The following ATG2B variants were observed in gnomAD, a reference collection of about 807,000 sequenced individuals.
ATG2B encodes the protein autophagy-related protein 2 homolog B.
ATG2B carries 121 observed loss-of-function variants against 241.3 expected under a neutral mutation model. The ratio of observed to expected loss-of-function variants is 0.50; its 90% CI spans 0.43 to 0.58. ATG2B has a LOEUF of 0.58. Ranked by LOEUF, ATG2B falls within the 20% of genes least tolerant of loss-of-function variation. The probability of loss-of-function intolerance (pLI) is 0.00; values close to 1 mark genes in which losing one functional copy is unlikely to be tolerated. For missense variants in ATG2B, 2,306 were observed against 2,491.6 expected (o/e 0.93, Z 1.59); for synonymous variants, 858 against 876.6 (o/e 0.98, Z 0.37).
At chr14:96,294,455 C>A (rs192767309) in intron 36 of ATG2B, among the ~76,000 whole-genome samples, 1 of 152,262 alleles carries the variant, frequency 6.6e-6, no homozygotes, top group East Asian at 1.9e-4. Context: ...TCACAGCCGA[C>A]GGCAGCAGCA....
chr14:96,361,530 T>G (rs1257200348), intron 1 of ATG2B, among the ~76,000 whole-genome samples: 1 of 152,202 alleles, frequency 6.6e-6, no homozygotes, highest in African/African-American at 2.4e-5. Context: ...ATCAAAAGTA[T>G]AGAATCATGG....
Position 96,317,767 on chromosome 14 carries a change from C to T in ATG2B, c.2968G>A (p.Val990Ile), listed in dbSNP as rs964618079. 6.2e-7 allele frequency: 1 copy of T among 1,613,386 alleles called. No homozygotes were observed. The highest frequency in any genetic ancestry group is 8.5e-7 in the Non-Finnish European group (1 of 1,179,526). The change falls in exon 19 of 42, where the codon GTA (valine) becomes ATA (isoleucine). Residue 990 changes from valine (V) to isoleucine (I), a missense_variant. By Grantham distance (29) the Val-to-Ile change is conservative. Around this residue, in one of 2 missense-constraint regions of ATG2B, gnomAD observed 1,927 missense variants for 2,011.2 expected, o/e 0.96. Transcript: ENST00000359933. ...AAAGTATTAATGAGCTGACTGGCTA[C>T]TGAAAGCCCAATGCCATAGGAAATA... is the stretch of plus-strand genomic sequence containing the variant. ...ENISYGIGLS[V>I]ASQLINTFNK...
At chr14:96,321,930 G>A (rs1213394693) in intron 18 of ATG2B, among the ~76,000 whole-genome samples, 182 bp downstream of exon 18, 1 of 152,110 alleles carries the variant, frequency 6.6e-6, no homozygotes, top group Non-Finnish European at 1.5e-5. Context: ...CACCACGCTA[G>A]TTAGGAAACT....
At chr14:96,360,933 C>CAAAAAAAAAAA (rs35630598) in intron 1 of ATG2B, among the ~76,000 whole-genome samples, 1 of 73,736 alleles carries the variant, frequency 1.4e-5, no homozygotes, top group African/African-American at 5.5e-5. Flanking sequence ...AATCCTCTAC[C>CAAAAAAAAAAA]AAAAAAAAAA....
intron 1 of ATG2B, among the ~76,000 whole-genome samples, chr14:96,357,675 T>G (rs1888514833): frequency 1.4e-5 from 2 of 146,348 alleles, no homozygotes; most frequent in Non-Finnish European, 3.1e-5. Context: ...TTTTTCAGAT[T>G]TTTTCATAGT....
chr14:96,344,939 C>A (rs2139897262), intron 3 of ATG2B, among the ~76,000 whole-genome samples, 183 bp from the exon 4 acceptor site: 1 of 152,126 alleles, frequency 6.6e-6, no homozygotes, highest in African/African-American at 2.4e-5. Flanking sequence ...TTACTGAGCA[C>A]TTAACCATGT....
rs1368332397 is a variant in ATG2B, at chr14:96,289,899, C to G, written c.5857-94G>C. On this transcript the variant is annotated intron_variant, in intron 40 of 41. Transcript: ENST00000359933. This position sits in a 1 kb window ranked among gnomAD's most constrained non-coding sequence, Gnocchi z 4.3. The stretch of plus-strand genomic sequence containing the variant: ...ACTTCCTACAGGGAGTGAGGAAGAG[C>G]AGAGGAACTCACAAACCCTAATGAA... 1 of 1,288,096 alleles carries G rather than the reference C, an allele frequency of 7.8e-7. No homozygotes were observed. The highest frequency in any genetic ancestry group is 1.5e-5 in the African/African-American group (1 of 67,284). 79.8% of individuals were successfully genotyped at this position (1,288,096 alleles called of 1,614,324 possible). A position where few individuals can be genotyped will look rare whatever the true frequency, so the allele number is the denominator to read the frequency against.
At chr14:96,329,796 T>C (rs1887684173) in intron 11 of ATG2B, among the ~76,000 whole-genome samples, 162 bp from the exon 12 acceptor site, 2 of 152,220 alleles carry the variant, frequency 1.3e-5, no homozygotes, top group South Asian at 4.1e-4. Flanking sequence ...ATCAGTTCTG[T>C]TGATGGGAAA....
intron 2 of ATG2B, among the ~76,000 whole-genome samples, chr14:96,346,642 CTATTTA>C: frequency 6.6e-6 from 1 of 152,218 alleles, no homozygotes. Flanking sequence ...ATTTTTTTCT[CTATTTA>C]TAAGTAGCTA....
At chr14:96,328,311 A>G (rs1292602937) in intron 14 of ATG2B, 36 bp downstream of exon 14, 2 of 1,475,164 alleles carry the variant, frequency 1.4e-6, no homozygotes, top group Admixed American at 3.8e-5. Flanking sequence ...AGCTAACCAT[A>G]ATTATGATTA....
Position 96,334,498 on chromosome 14 carries a change from C to A in ATG2B, c.928G>T (p.Asp310Tyr). The change falls in exon 7 of 42, where the codon GAT becomes TAT. Residue 310 changes from aspartate (D) to tyrosine (Y), a missense_variant. By Grantham distance (160) the Asp-to-Tyr change is radical. Coordinates refer to ENST00000359933, the MANE Select transcript of ATG2B (RefSeq NM_018036.7). ...ATAGAGTCTATCTGTCCATCAACATCCAACTTAAGGGAAAAAAAAAAACTA... is the reference window on the plus strand; with the variant it reads ...ATAGAGTCTATCTGTCCATCAACATACAACTTAAGGGAAAAAAAAAAACTA... ...QNEVLPGAKL[D>Y]VDGQIDSIHL... is the part of the protein sequence containing the mutation. 6.3e-7 allele frequency: 1 copy of A among 1,581,786 alleles called. No homozygotes were observed. The highest frequency in any genetic ancestry group is 1.9e-5 in the Admixed American group (1 of 53,838).
rs10131198 is a variant in ATG2B, at chr14:96,311,039, T to C, written c.4161+78A>G. On this transcript the variant is annotated intron_variant, in intron 28 of 41. Coordinates refer to ENST00000359933, the MANE Select transcript of ATG2B (RefSeq NM_018036.7). ...CTTTCAAAGTTTCTTTTCTACCTTATGACTGTCATGAAGACCTCAATAATG... is the reference window on the plus strand; with the variant it reads ...CTTTCAAAGTTTCTTTTCTACCTTACGACTGTCATGAAGACCTCAATAATG... 465 of 1,281,000 alleles carry C rather than the reference T, an allele frequency of 3.6e-4. 6 individuals carry two copies. The African/African-American group carries it at 6.2e-3, about 17-fold the overall frequency. The allele number at this position is 1,281,000 out of a possible 1,614,324, so 79.4% of individuals were successfully genotyped here. A position where few individuals can be genotyped will look rare whatever the true frequency, so the allele number is the denominator to read the frequency against.
chr14:96,317,287 A>G lies in ATG2B; in HGVS notation c.3068T>C (p.Leu1023Ser), dbSNP rs771344958. ...DEESGSEEETLQYFSTVDPNY... is the reference protein window; with the variant it reads ...DEESGSEEETSQYFSTVDPNY... ...GGGATCAACAGTGGAAAAATACTGC[A>G]AAGTCTCCTCCTCAGATCCACTTTC... The change falls in exon 20 of 42, where the codon TTG becomes TCG. Residue 1023 changes from leucine to serine, a missense_variant. By Grantham distance (145) the Leu-to-Ser change is moderately radical. Coordinates refer to ENST00000359933, the MANE Select transcript of ATG2B (RefSeq NM_018036.7). 1.8e-5 allele frequency: 29 copies of G among 1,613,590 alleles called. No individual in the cohort carries two copies. The highest frequency in any genetic ancestry group is 1.6e-4 in the Middle Eastern group (1 of 6,080).
At chr14:96,340,656 T>C (rs1340342626) in intron 6 of ATG2B, among the ~76,000 whole-genome samples, 2 of 152,268 alleles carry the variant, frequency 1.3e-5, no homozygotes, top group South Asian at 2.1e-4. Context: ...CTCATGCCTA[T>C]AATCCCAACA....
intron 37 of ATG2B, 40 bp downstream of exon 37, chr14:96,291,989 T>C (rs907686141): frequency 3.0e-6 from 4 of 1,342,204 alleles, no homozygotes; most frequent in African/African-American, 1.5e-5. Context: ...TAGAGAAACA[T>C]ATGATAATTT....
At chr14:96,288,695 T>C (rs1295427157) in intron 41 of ATG2B, among the ~76,000 whole-genome samples, 1 of 152,078 alleles carries the variant, frequency 6.6e-6, no homozygotes, top group Non-Finnish European at 1.5e-5. Flanking sequence ...AAAAATATCT[T>C]TCATGAAATC....
chr14:96,296,110 T>C (rs1242932014), intron 34 of ATG2B, among the ~76,000 whole-genome samples: 1 of 152,200 alleles, frequency 6.6e-6, no homozygotes, highest in Non-Finnish European at 1.5e-5. Flanking sequence ...CCCGCCACCA[T>C]GCCCAGCTAA....
chr14:96,362,046 CGAAATT>C (rs1326540401), intron 1 of ATG2B, among the ~76,000 whole-genome samples: 3 of 151,946 alleles, frequency 2.0e-5, no homozygotes, highest in Non-Finnish European at 2.9e-5. Flanking sequence ...TGTGGTGAGT[CGAAATT>C]CAGATGAAGC....
intron 32 of ATG2B, among the ~76,000 whole-genome samples, chr14:96,304,043 C>T (rs1042892221): frequency 3.3e-5 from 5 of 152,202 alleles, no homozygotes; most frequent in Non-Finnish European, 7.3e-5. Context: ...GAATTAAATG[C>T]GTGTGATGCC....
Sources: gnomAD v4.1 joint callset for allele counts (sites outside exome capture counted in the v4.1 genomes callset) on GRCh38, gnomAD v4.1.1 for gene constraint, gnomAD v4.1.1 regional missense constraint, Gnocchi (gnomAD v3.1) non-coding constraint, MANE v1.5 for transcripts, NCBI Gene and HGNC (gene_info 2026-07-23, HGNC 2026-07-21) for gene names.